Variants in PHACTR1 observed in about 807,000 individuals in gnomAD.
The protein encoded by PHACTR1 is RPEL repeat containing 1.
Under a neutral mutation model 69.2 loss-of-function variants are expected in PHACTR1, and 16 were observed. The observed-to-expected ratio is 0.23, with a 90% CI of 0.16 to 0.35. The LOEUF (loss-of-function observed/expected upper bound fraction) is 0.35. Ranked by LOEUF, PHACTR1 falls within the 10% of genes least tolerant of loss-of-function variation. The pLI is 1.00. For synonymous variants in PHACTR1, 312 were observed against 284.5 expected (o/e 1.10, Z -0.97); for missense variants, 510 against 734.7 (o/e 0.69, Z 3.54).
At chr6:13,280,973 C>T (rs1267767779) in intron 12 of PHACTR1, 4 of 1,289,376 alleles carry the variant, frequency 3.1e-6, no homozygotes, top group Non-Finnish European at 4.0e-6. Context: ...GTGCTGGGGT[C>T]CGTGCACCAA....
intron 7 of PHACTR1, among the ~76,000 whole-genome samples, chr6:13,191,902 CAGA>C (rs1260569555): frequency 1.3e-5 from 2 of 152,178 alleles, no homozygotes; most frequent in Non-Finnish European, 2.9e-5. Context: ...TCTCAAAATG[CAGA>C]AGTTTTTTTT....
At chr6:12,902,450 T>C (rs1490033151) in intron 4 of PHACTR1, among the ~76,000 whole-genome samples, 1 of 151,724 alleles carries the variant, frequency 6.6e-6, no homozygotes, top group East Asian at 1.9e-4. Flanking sequence ...CTATAATGAG[T>C]TTTCCCAACA....
At chr6:12,786,591 C>G (rs192826114) in intron 4 of PHACTR1, among the ~76,000 whole-genome samples, 1 of 152,276 alleles carries the variant, frequency 6.6e-6, no homozygotes, top group East Asian at 1.9e-4. Context: ...ACAGGTTCTT[C>G]CCACACTCTT....
At chr6:13,109,856 G>C (rs540618021) in intron 5 of PHACTR1, among the ~76,000 whole-genome samples, 9 of 150,580 alleles carry the variant, frequency 6.0e-5, no homozygotes, top group African/African-American at 9.8e-5. Context: ...GTGTGTGTGT[G>C]TGTGTGTCTG....
intron 4 of PHACTR1, among the ~76,000 whole-genome samples, chr6:12,927,861 C>CT (rs560329203): frequency 2.0e-3 from 300 of 152,334 alleles, no homozygotes; most frequent in Non-Finnish European, 3.4e-3. Flanking sequence ...TCAGCCCCTG[C>CT]TGTCTCATGA....
chr6:12,941,940 C>T (rs1317841130), intron 4 of PHACTR1, among the ~76,000 whole-genome samples: 1 of 152,128 alleles, frequency 6.6e-6, no homozygotes, highest in Non-Finnish European at 1.5e-5. Flanking sequence ...ACAGAGAGTT[C>T]TTTGATATTT....
At position 13,095,749 on chromosome 6, in the gene PHACTR1, CTTTTTTTTTTTTTTTTTT is replaced by C. The variant is rs140109520; in HGVS notation, c.415+42234_415+42251del. Among the ~76,000 whole-genome samples, 6 of 77,248 alleles carry C rather than the reference CTTTTTTTTTTTTTTTTTT, an allele frequency of 7.8e-5. No individual in the cohort carries two copies. The South Asian group carries it at 3.4e-3, about 44-fold the overall frequency. 50.7% of individuals were successfully genotyped at this position (77,248 alleles called of 152,430 possible). ...CTTTAAAGTGAATTATTGTGAAGGGCTTTTTTTTTTTTTTTTTTTTTTTTTTTTTTTGTTAGACCAGGC... is the reference window on the plus strand; with the variant it reads ...CTTTAAAGTGAATTATTGTGAAGGGCTTTTTTTTTTTTTGTTAGACCAGGC... On this transcript the variant is annotated intron_variant, in intron 5 of 14. Coordinates refer to ENST00000332995, the MANE Select transcript of PHACTR1 (RefSeq NM_030948.6).
At chr6:12,956,636 AG>A (rs1202182472) in intron 4 of PHACTR1, among the ~76,000 whole-genome samples, 1 of 152,024 alleles carries the variant, frequency 6.6e-6, no homozygotes, top group African/African-American at 2.4e-5. Context: ...GTGGCTGGAG[AG>A]GGTTTATGAG....
chr6:13,089,846 G>A lies in PHACTR1; in HGVS notation c.415+36317G>A, dbSNP rs998923496. 3.3e-5 allele frequency among the ~76,000 whole-genome samples: 5 copies of A among 152,176 alleles called. No homozygotes were observed. The East Asian group carries it at 5.8e-4, about 18-fold the overall frequency. On this transcript the variant is annotated intron_variant, in intron 5 of 14. Coordinates refer to ENST00000332995, the MANE Select transcript of PHACTR1 (RefSeq NM_030948.6). ...CAGTGGAACAAACTGGTGAGAGGAG[G>A]CCAGAGGAAAATGCAGCCACATGCC...
intron 4 of PHACTR1, among the ~76,000 whole-genome samples, chr6:12,779,316 C>T (rs1443397252): frequency 6.6e-6 from 1 of 152,058 alleles, no homozygotes; most frequent in Admixed American, 6.6e-5. Flanking sequence ...GCCTGGGCAA[C>T]AAGAGCAAAA....
At chr6:13,239,062 T>TG (rs1218556827) in intron 10 of PHACTR1, among the ~76,000 whole-genome samples, 3 of 151,760 alleles carry the variant, frequency 2.0e-5, no homozygotes, top group African/African-American at 7.3e-5. Context: ...GAGCAGGGAG[T>TG]GGGGCACAGC....
In PHACTR1 at chr6:13,032,992, A is replaced by C. The variant is rs529962778; in HGVS notation, c.251-20373A>C. On this transcript the variant is annotated intron_variant, in intron 4 of 14. Coordinates refer to ENST00000332995, the MANE Select transcript of PHACTR1 (RefSeq NM_030948.6). The stretch of plus-strand genomic sequence containing the variant: ...AGGAAGTCTCGATTTTGTAAAATTA[A>C]AAAAAGTTCTGCCTCTATTTCTGAA... 1.8e-4 allele frequency among the ~76,000 whole-genome samples: 27 copies of C among 152,254 alleles called. 1 individual carries two copies. The South Asian group carries it at 5.4e-3, about 30-fold the overall frequency.
chr6:13,074,197 C>T (rs147477907), intron 5 of PHACTR1, among the ~76,000 whole-genome samples: 85 of 152,174 alleles, frequency 5.6e-4, no homozygotes, highest in East Asian at 5.4e-3. Context: ...GACAAATTGT[C>T]TGGGCAAAGG....
chr6:12,970,626 T>C (rs957917685), intron 4 of PHACTR1, among the ~76,000 whole-genome samples: 2 of 152,074 alleles, frequency 1.3e-5, no homozygotes, highest in Non-Finnish European at 2.9e-5. Context: ...CGTGGTGGTG[T>C]GTGCCTGTAG....
In PHACTR1 at chr6:13,286,239, TTTTTTTTCC is replaced by T. The variant is rs1781674740; in HGVS notation, c.1727+27_1727+35del. 6.5e-7 allele frequency: 1 copy of T among 1,531,472 alleles called. No individual in the cohort carries two copies. The highest frequency in any genetic ancestry group is 1.4e-5 in the African/African-American group (1 of 71,444). 94.9% of individuals were successfully genotyped at this position (1,531,472 alleles called of 1,614,324 possible). The stretch of plus-strand genomic sequence containing the variant: ...CTTAACAAGGTTAGTATTAAGGGTT[TTTTTTTTCC>T]TTTTTTTCCCTCAAGTTGCAATATT... On this transcript the variant is annotated intron_variant, in intron 14 of 14. Coordinates refer to ENST00000332995, the MANE Select transcript of PHACTR1 (RefSeq NM_030948.6).
chr6:13,165,241 C>T (rs181161631), intron 6 of PHACTR1, among the ~76,000 whole-genome samples: 11 of 152,270 alleles, frequency 7.2e-5, no homozygotes, highest in Admixed American at 7.2e-4. Flanking sequence ...ACTGCCAACA[C>T]TATAAATAGT....
At chr6:13,140,099 A>G (rs1822197336) in intron 5 of PHACTR1, among the ~76,000 whole-genome samples, 1 of 152,216 alleles carries the variant, frequency 6.6e-6, no homozygotes, top group African/African-American at 2.4e-5. Flanking sequence ...CTAAGTGATC[A>G]CTTCATATCC....
intron 4 of PHACTR1, among the ~76,000 whole-genome samples, chr6:12,766,443 C>T (rs1200104551): frequency 6.6e-6 from 1 of 152,096 alleles, no homozygotes; most frequent in Non-Finnish European, 1.5e-5. Flanking sequence ...AGGAAAAACC[C>T]CCGGAATCTA....
At chr6:13,134,093 G>A (rs952888279) in intron 5 of PHACTR1, among the ~76,000 whole-genome samples, 15 of 151,588 alleles carry the variant, frequency 9.9e-5, no homozygotes, top group Admixed American at 5.9e-4. Flanking sequence ...GAGCCCCTCC[G>A]CCCGGCAGCC....
Sources: gnomAD v4.1 joint callset for allele counts (sites outside exome capture counted in the v4.1 genomes callset) on GRCh38, gnomAD v4.1.1 for gene constraint, MANE v1.5 for transcripts, NCBI Gene and HGNC (gene_info 2026-07-23, HGNC 2026-07-21) for gene names.